ANO1: variants seen among roughly 807,000 people sequenced by gnomAD.
ANO1 encodes the protein anoctamin-1.
A neutral mutation model predicts 124.0 loss-of-function variants in ANO1; 59 were observed. The observed-to-expected ratio is 0.48, with a 90% confidence interval of 0.39 to 0.59. The LOEUF is 0.59. Among genes scored for constraint, ANO1 ranks in the 20% least tolerant of loss-of-function variants. The probability of loss-of-function intolerance (pLI) is 0.00; values close to 1 mark genes in which losing one functional copy is unlikely to be tolerated. For synonymous variants in ANO1, 529 were observed against 532.0 expected (o/e 0.99, Z 0.08); for missense variants, 1,059 against 1,328.0 (o/e 0.80, Z 3.15).
At chr11:70,029,664 A>G (rs1198763598) in intron 1 of ANO1, among the ~76,000 whole-genome samples, 1 of 152,194 alleles carries the variant, frequency 6.6e-6, no homozygotes, top group Non-Finnish European at 1.5e-5. Flanking sequence ...ACTGTAACAA[A>G]TTTCCACAAA....
At chr11:70,080,857 G>A (rs752556237) in intron 1 of ANO1, among the ~76,000 whole-genome samples, 2 of 152,236 alleles carry the variant, frequency 1.3e-5, no homozygotes, top group Non-Finnish European at 2.9e-5. Flanking sequence ...CTGCAGCCAT[G>A]GAGCAGGGGC....
intron 1 of ANO1, among the ~76,000 whole-genome samples, chr11:70,026,685 G>A (rs563204247): frequency 2.6e-5 from 4 of 152,152 alleles, no homozygotes; most frequent in Non-Finnish European, 5.9e-5. Flanking sequence ...TAGTCAGGAG[G>A]TTGCAATGAG....
intron 1 of ANO1, among the ~76,000 whole-genome samples, chr11:70,037,994 G>A (rs371022311): frequency 1.3e-5 from 2 of 152,270 alleles, no homozygotes; most frequent in Admixed American, 1.3e-4. Context: ...GGATTAAAAC[G>A]TGACTGTCGT....
At chr11:70,165,060 G>A (rs2048199384) in intron 19 of ANO1, among the ~76,000 whole-genome samples, 1 of 152,128 alleles carries the variant, frequency 6.6e-6, no homozygotes, top group Non-Finnish European at 1.5e-5. Flanking sequence ...GGTGTTAGCC[G>A]GGCTGTGTTC....
chr11:70,092,230 C>T (rs1407665068), intron 2 of ANO1, among the ~76,000 whole-genome samples: 2 of 152,204 alleles, frequency 1.3e-5, no homozygotes, highest in Non-Finnish European at 2.9e-5. Context: ...ATTTGGGGCC[C>T]ACCCCTACGA....
At chr11:70,162,026 C>T (rs1422719363) in intron 18 of ANO1, among the ~76,000 whole-genome samples, 3 of 110,492 alleles carry the variant, frequency 2.7e-5, no homozygotes, top group Non-Finnish European at 5.7e-5. Context: ...GACCCTGGGC[C>T]GTGGGGACCC....
chr11:70,048,586 C>G (rs1243015973), intron 1 of ANO1, among the ~76,000 whole-genome samples: 1 of 151,726 alleles, frequency 6.6e-6, no homozygotes, highest in African/African-American at 2.4e-5. Flanking sequence ...CTCTCTCCCC[C>G]ACCTCCCTCT....
chr11:70,008,775 A>T (rs1341769153), intron 1 of ANO1, among the ~76,000 whole-genome samples: 2 of 152,006 alleles, frequency 1.3e-5, no homozygotes, highest in Non-Finnish European at 2.9e-5. Flanking sequence ...GACCATGGAC[A>T]CCTTACAAAG....
chr11:70,171,863 G>C (rs934521521), intron 22 of ANO1, among the ~76,000 whole-genome samples: 1 of 152,152 alleles, frequency 6.6e-6, no homozygotes, highest in African/African-American at 2.4e-5. Context: ...AGCTACTCAG[G>C]AGGCTGAGGT....
At chr11:70,111,827 AC>A in intron 7 of ANO1, 65 bp downstream of exon 7, 5 of 1,536,732 alleles carry the variant, frequency 3.3e-6, no homozygotes, top group South Asian at 1.1e-5. Context: ...GCCGGGCCAC[AC>A]CCCCCCGGGA....
intron 16 of ANO1, among the ~76,000 whole-genome samples, chr11:70,158,252 C>T (rs941624304): frequency 6.6e-6 from 1 of 152,214 alleles, no homozygotes; most frequent in Non-Finnish European, 1.5e-5. Context: ...CGGCCTTGGC[C>T]GCCTGCTAGC....
chr11:70,081,128 C>G (rs2044188249), intron 1 of ANO1, among the ~76,000 whole-genome samples: 1 of 152,232 alleles, frequency 6.6e-6, no homozygotes, highest in African/African-American at 2.4e-5. Flanking sequence ...ACTTTTGCCT[C>G]TCTTCATTCC....
At chr11:70,052,119 G>T (rs1397730790) in intron 1 of ANO1, among the ~76,000 whole-genome samples, 1 of 152,188 alleles carries the variant, frequency 6.6e-6, no homozygotes, top group Non-Finnish European at 1.5e-5. Context: ...ACCATTTATT[G>T]ATTCCACACC....
At chr11:70,090,164 C>T (rs12418573) in intron 2 of ANO1, among the ~76,000 whole-genome samples, 14,204 of 152,220 alleles carry the variant, frequency 0.093, 985 homozygotes, top group Admixed American at 0.18. Flanking sequence ...CCCGCCGTCA[C>T]GCCCAGCTAA....
the ANO1 span, among the ~76,000 whole-genome samples, chr11:69,970,574 G>A: frequency 3.9e-5 from 6 of 152,210 alleles, no homozygotes; most frequent in African/African-American, 9.6e-5. Context: ...GTGACCTCGG[G>A]AAGGTCACTC....
chr11:69,995,201 G>A (rs1160602409), intron 1 of ANO1, among the ~76,000 whole-genome samples: 1 of 150,354 alleles, frequency 6.7e-6, no homozygotes, highest in Admixed American at 6.6e-5. Context: ...CCCAGTTCAA[G>A]CAATTCTCCT....
chr11:69,981,667 C>G (rs782817607), upstream of ANO1, among the ~76,000 whole-genome samples: 4 of 152,208 alleles, frequency 2.6e-5, no homozygotes, highest in Non-Finnish European at 5.9e-5. Flanking sequence ...CTGCCTCCAG[C>G]CCTCCTCTCC....
intron 22 of ANO1, among the ~76,000 whole-genome samples, 189 bp downstream of exon 22, chr11:70,171,228 C>T (rs1391802993): frequency 2.0e-5 from 3 of 152,152 alleles, no homozygotes; most frequent in Admixed American, 6.5e-5. Flanking sequence ...AGCCCTGTCC[C>T]CACCCTTCCC....
chr11:70,033,126 G>A (rs1466022170), intron 1 of ANO1, among the ~76,000 whole-genome samples: 1 of 152,194 alleles, frequency 6.6e-6, no homozygotes, highest in Non-Finnish European at 1.5e-5. Context: ...CGGTGATGTA[G>A]ATCCAGGGGT....
Sources: allele counts gnomAD v4.1 joint callset (sites outside exome capture counted in the v4.1 genomes callset), GRCh38; gene constraint gnomAD v4.1.1; transcripts MANE v1.5; gene names NCBI Gene and HGNC (gene_info 2026-07-23, HGNC 2026-07-21).